PRKD1: variants seen among roughly 807,000 people sequenced by gnomAD.
PRKD1 encodes the protein serine/threonine-protein kinase D1.
In PRKD1, 63 loss-of-function variants were observed where a neutral mutation model predicts 95.9. The ratio of observed to expected loss-of-function variants is 0.66; its 90% CI spans 0.54 to 0.81. PRKD1 has a LOEUF of 0.81. Ranked by LOEUF, PRKD1 falls within the 30% of genes least tolerant of loss-of-function variation. PRKD1 has a pLI of 0.00. For missense variants in PRKD1, 1,048 were observed against 1,165.3 expected (o/e 0.90, Z 1.47); for synonymous variants, 425 against 423.1 (o/e 1.00, Z -0.05).
chr14:29,631,522 A>C (rs1399717223), intron 9 of PRKD1, among the ~76,000 whole-genome samples: 1 of 151,442 alleles, frequency 6.6e-6, no homozygotes, highest in African/African-American at 2.4e-5. Context: ...TTTTCCAAGA[A>C]AGAATCTTGC....
intron 1 of PRKD1, among the ~76,000 whole-genome samples, chr14:29,764,060 C>T (rs1888150105): frequency 6.6e-6 from 1 of 151,798 alleles, no homozygotes; most frequent in Admixed American, 6.6e-5. Context: ...TACAATAATA[C>T]TTGAATCATT....
intron 1 of PRKD1, among the ~76,000 whole-genome samples, chr14:29,914,915 G>A (rs1480657895): frequency 5.9e-5 from 9 of 151,854 alleles, no homozygotes; most frequent in African/African-American, 1.9e-4. Context: ...TAGTAGAGAC[G>A]GGGTTTCACC....
chr14:29,799,254 T>C (rs1889932735), intron 1 of PRKD1, among the ~76,000 whole-genome samples: 1 of 152,232 alleles, frequency 6.6e-6, no homozygotes, highest in East Asian at 1.9e-4. Context: ...TTTAACATGG[T>C]TAAACAAGTG....
At position 29,648,934 on chromosome 14, in the gene PRKD1, G is replaced by A. The variant is rs550211095; in HGVS notation, c.697-10030C>T. On this transcript the variant is annotated intron_variant, in intron 4 of 17. Coordinates refer to ENST00000331968, the MANE Select transcript of PRKD1 (RefSeq NM_002742.3). ...CTCCCAAAGTGCTGGGATTACAGGC[G>A]TGAGCCACCATGCCCGGCCTGGCTG... Among the ~76,000 whole-genome samples, 543 of 152,150 alleles carry A rather than the reference G, an allele frequency of 3.6e-3. 3 individuals carry two copies. Among genetic ancestry groups the A allele is most frequent in the Non-Finnish European group, 5.7e-3 (385 of 67,998 alleles).
rs1437685392 is a variant in PRKD1, at chr14:29,648,623, GCTGGCCTCA to G, written c.697-9728_697-9720del. Among the ~76,000 whole-genome samples the G allele has an allele frequency of 5.9e-5, 9 of 152,260 alleles. No homozygotes were observed. The South Asian group carries it at 1.9e-3, about 32-fold the overall frequency. On this transcript the variant is annotated intron_variant, in intron 4 of 17. Transcript: ENST00000331968. ...CTTATAAATGCTGTGTTTACCATGT[GCTGGCCTCA>G]CAAAGTCTTTTATAAAACTGGCTGG... is the stretch of plus-strand genomic sequence containing the variant.
At chr14:29,618,684 C>T (rs928878715) in intron 13 of PRKD1, among the ~76,000 whole-genome samples, 4 of 151,788 alleles carry the variant, frequency 2.6e-5, no homozygotes, top group African/African-American at 9.7e-5. Flanking sequence ...CTTGCCTTAA[C>T]TTCAATTATT....
intron 1 of PRKD1, among the ~76,000 whole-genome samples, chr14:29,851,287 A>T (rs539763245): frequency 6.6e-6 from 1 of 152,128 alleles, no homozygotes; most frequent in African/African-American, 2.4e-5. Context: ...TAGTAAACAG[A>T]TAACCTACAG....
chr14:29,854,608 T>C (rs1892429115), intron 1 of PRKD1, among the ~76,000 whole-genome samples: 1 of 152,224 alleles, frequency 6.6e-6, no homozygotes, highest in Non-Finnish European at 1.5e-5. Context: ...TACCATTTTC[T>C]GAGGAGAAAT....
At chr14:29,793,534 T>A (rs1051882614) in intron 1 of PRKD1, among the ~76,000 whole-genome samples, 17 of 152,134 alleles carry the variant, frequency 1.1e-4, no homozygotes, top group Admixed American at 2.6e-4. Flanking sequence ...GGAAGAGGTA[T>A]AAACACTATT....
chr14:29,692,694 C>T (rs190985384), intron 2 of PRKD1, among the ~76,000 whole-genome samples: 12 of 152,274 alleles, frequency 7.9e-5, no homozygotes, highest in Admixed American at 2.0e-4. Flanking sequence ...TCCTCATCTT[C>T]ACTAATTCAG....
In PRKD1 at chr14:29,784,086, C is replaced by T. The variant is rs147989413; in HGVS notation, c.265-58412G>A. On this transcript the variant is annotated intron_variant, in intron 1 of 17. Coordinates refer to ENST00000331968, the MANE Select transcript of PRKD1 (RefSeq NM_002742.3). The stretch of plus-strand genomic sequence containing the variant: ...GCATTTTCTCTATGTTTTCTTCTAG[C>T]GGTTTTATAGTTTCAGGTCTTATAT... Among the ~76,000 whole-genome samples the T allele has an allele frequency of 2.1e-3, 317 of 152,196 alleles. 1 individual carries two copies. Among genetic ancestry groups the T allele is most frequent in the Non-Finnish European group, 3.3e-3 (227 of 67,986 alleles).
At chr14:29,801,329 C>T (rs936844367) in intron 1 of PRKD1, among the ~76,000 whole-genome samples, 3 of 152,180 alleles carry the variant, frequency 2.0e-5, no homozygotes, top group Non-Finnish European at 2.9e-5. Context: ...AAAACCTTCA[C>T]AGCAACACAC....
At chr14:29,850,722 A>G (rs1892276056) in intron 1 of PRKD1, among the ~76,000 whole-genome samples, 3 of 152,078 alleles carry the variant, frequency 2.0e-5, no homozygotes, top group Non-Finnish European at 2.9e-5. Context: ...ATTAAAAAAA[A>G]CCTATTCTAA....
At chr14:29,737,101 T>G (rs971883620) in intron 1 of PRKD1, among the ~76,000 whole-genome samples, 3 of 151,470 alleles carry the variant, frequency 2.0e-5, no homozygotes, top group Admixed American at 6.6e-5. Context: ...GGCGGGTGGA[T>G]CATGAGGTCA....
chr14:29,646,468 C>T (rs950400783), intron 4 of PRKD1, among the ~76,000 whole-genome samples: 1 of 152,000 alleles, frequency 6.6e-6, no homozygotes, highest in Non-Finnish European at 1.5e-5. Context: ...TTAAATACTG[C>T]ATGCCTGTAT....
At chr14:29,886,157 C>T (rs1893699524) in intron 1 of PRKD1, among the ~76,000 whole-genome samples, 2 of 152,102 alleles carry the variant, frequency 1.3e-5, no homozygotes, top group South Asian at 4.2e-4. Flanking sequence ...GACTTGCCCT[C>T]CACTCAGACA....
intron 4 of PRKD1, among the ~76,000 whole-genome samples, chr14:29,643,890 ACAG>A (rs1490643757): frequency 6.6e-6 from 1 of 152,250 alleles, no homozygotes; most frequent in Non-Finnish European, 1.5e-5. Flanking sequence ...AATTCATTTC[ACAG>A]CAATTCACTG....
At chr14:29,629,617 T>C (rs1262664304) in intron 10 of PRKD1, among the ~76,000 whole-genome samples, 3 of 152,224 alleles carry the variant, frequency 2.0e-5, no homozygotes, top group African/African-American at 4.8e-5. Context: ...GGTTAATTCA[T>C]AGGTTTCATT....
chr14:29,828,487 G>T (rs994312903), intron 1 of PRKD1, among the ~76,000 whole-genome samples: 9 of 152,038 alleles, frequency 5.9e-5, no homozygotes, highest in African/African-American at 2.2e-4. Context: ...GTCACATTTC[G>T]ACAGGAGACT....
Sources: allele counts gnomAD v4.1 joint callset (sites outside exome capture counted in the v4.1 genomes callset), GRCh38; gene constraint gnomAD v4.1.1; transcripts MANE v1.5; gene names NCBI Gene and HGNC (gene_info 2026-07-23, HGNC 2026-07-21).